The following LARS2 variants were observed in gnomAD, a reference collection of about 807,000 sequenced individuals.
The protein encoded by LARS2 is leucyl-tRNA synthetase 2, mitochondrial.
A neutral mutation model predicts 116.6 loss-of-function variants in LARS2; 81 were observed. The observed-to-expected ratio is 0.69, with a 90% CI of 0.58 to 0.84. The LOEUF (loss-of-function observed/expected upper bound fraction) is 0.84, where lower values mean the gene tolerates loss of function less well. Ranked by LOEUF, LARS2 falls within the 40% of genes least tolerant of loss-of-function variation. The pLI, the probability that LARS2 is intolerant of heterozygous loss-of-function variation, is 0.00. For missense variants in LARS2, 968 were observed against 1,114.5 expected, an observed-to-expected ratio of 0.87 and a Z score of 1.87; for synonymous variants, 396 against 407.2, an observed-to-expected ratio of 0.97 and a Z score of 0.33.
At chr3:45,439,467 C>T (rs1300612199) in intron 6 of LARS2, among the ~76,000 whole-genome samples, 2 of 152,136 alleles carry the variant, frequency 1.3e-5, no homozygotes, top group East Asian at 3.9e-4. Flanking sequence ...GATCCGCCCA[C>T]CTTGGCCTCC....
chr3:45,415,860 A>AAAAAT (rs1553627793), intron 4 of LARS2, among the ~76,000 whole-genome samples: 1 of 92,740 alleles, frequency 1.1e-5, no homozygotes, highest in African/African-American at 5.0e-5. Flanking sequence ...AAAAAAAAAA[A>AAAAAT]ATATATATAT....
intron 20 of LARS2, among the ~76,000 whole-genome samples, chr3:45,539,162 A>C (rs1450054810): frequency 4.6e-5 from 7 of 152,238 alleles, no homozygotes; most frequent in Admixed American, 2.6e-4. Flanking sequence ...CAGTAAACAC[A>C]AAAGAAATTA....
intron 6 of LARS2, among the ~76,000 whole-genome samples, chr3:45,430,347 C>T (rs1449499633): frequency 6.0e-5 from 9 of 149,624 alleles, no homozygotes; most frequent in Non-Finnish European, 1.2e-4. Context: ...GGCGTGATCA[C>T]GGCTCACTGC....
chr3:45,470,036 A>G (rs1035420933), intron 8 of LARS2, among the ~76,000 whole-genome samples: 1 of 152,176 alleles, frequency 6.6e-6, no homozygotes, highest in Admixed American at 6.5e-5. Flanking sequence ...GTTTTTGATT[A>G]TCCACCCTTC....
chr3:45,434,656 C>A (rs1002878318), intron 6 of LARS2, among the ~76,000 whole-genome samples: 2 of 152,074 alleles, frequency 1.3e-5, no homozygotes, highest in Non-Finnish European at 1.5e-5. Flanking sequence ...CTATTGAAAC[C>A]GAGATATTTG....
rs139993622 is a variant in LARS2 at position 45,413,102 on chromosome 3, C to T, written c.364-4380C>T. ...ATTGGCCCTTTGAGCCTGTGTGGTC[C>T]GTTCGGTTTGGGTAAGAACTTCCAA... On this transcript the variant is annotated intron_variant, in intron 4 of 21. Transcript: ENST00000645846. Among the ~76,000 whole-genome samples, 622 of 152,318 alleles carry T rather than the reference C, an allele frequency of 4.1e-3. 6 individuals carry two copies. Among genetic ancestry groups the T allele is most frequent in the African/African-American group, 0.014 (570 of 41,560 alleles).
chr3:45,407,902 A>C (rs1420602338), intron 4 of LARS2, among the ~76,000 whole-genome samples: 2 of 152,178 alleles, frequency 1.3e-5, no homozygotes, highest in East Asian at 3.8e-4. Flanking sequence ...ACTCAGTCTT[A>C]CTTCTTGTGT....
intron 15 of LARS2, among the ~76,000 whole-genome samples, chr3:45,512,065 G>A (rs779352555): frequency 2.6e-5 from 4 of 151,994 alleles, no homozygotes; most frequent in African/African-American, 7.3e-5. Flanking sequence ...GTGAGCCACC[G>A]CGCCTGGCCA....
At position 45,488,690 on chromosome 3, in the gene LARS2, T is replaced by C. The variant is rs1160873468; in HGVS notation, c.1124-7T>C. The stretch of plus-strand genomic sequence containing the variant: ...GGAAATGTTTTCTTTTCTTCTCCTC[T>C]GAATAGGAATTCCCAGTACTAGCTC... On this transcript the variant is annotated splice_polypyrimidine_tract_variant and splice_region_variant and intron_variant, in intron 11 of 21. Coordinates refer to ENST00000645846, the MANE Select transcript of LARS2 (RefSeq NM_015340.4). 2 of 1,559,548 alleles carry C rather than the reference T, an allele frequency of 1.3e-6. No individual in the cohort carries two copies. Among genetic ancestry groups the C allele is most frequent in the Non-Finnish European group, 1.8e-6 (2 of 1,130,224 alleles).
At chr3:45,405,896 G>A (rs1277295703) in intron 4 of LARS2, among the ~76,000 whole-genome samples, 1 of 152,086 alleles carries the variant, frequency 6.6e-6, no homozygotes, top group East Asian at 1.9e-4. Flanking sequence ...AATCCCCACT[G>A]GCTCTTAAAT....
intron 6 of LARS2, among the ~76,000 whole-genome samples, chr3:45,434,068 T>C (rs762390064): frequency 6.6e-6 from 1 of 152,184 alleles, no homozygotes; most frequent in Non-Finnish European, 1.5e-5. Context: ...GTAGATTTCT[T>C]TGGGTTTATC....
At chr3:45,394,290 CT>C in intron 2 of LARS2, 142 bp from the exon 3 acceptor site, 1 of 594,638 alleles carries the variant, frequency 1.7e-6, no homozygotes. Context: ...AATTGAATTG[CT>C]AAAGTATTCT....
intron 20 of LARS2, 195 bp from the exon 21 acceptor site, chr3:45,541,634 A>G (rs971287855): frequency 1.3e-5 from 8 of 602,730 alleles, no homozygotes; most frequent in Middle Eastern, 4.4e-4. Flanking sequence ...CATTTGTGAA[A>G]AACAAAAGCT....
In LARS2 at chr3:45,476,542, C is replaced by T. The variant is rs761528611; in HGVS notation, c.933C>T (p.His311=). Residue 311 remains histidine (H), a synonymous_variant, in exon 10 of 22, where the codon CAC becomes CAT. Transcript: ENST00000645846. ...CTGAAGCCATTTATGGCACCTCCCA[C>T]GTGGCCATCTCGCCCAGCCACAGAC... ...ATPEAIYGTS[H]VAISPSHRLL... is the part of the protein sequence containing the mutation. 1.6e-5 allele frequency: 26 copies of T among 1,614,208 alleles called. No homozygotes were observed. The highest frequency in any genetic ancestry group is 2.2e-5 in the South Asian group (2 of 91,088).
At chr3:45,537,936 T>C (rs1700732990) in intron 20 of LARS2, among the ~76,000 whole-genome samples, 1 of 152,214 alleles carries the variant, frequency 6.6e-6, no homozygotes, top group Admixed American at 6.5e-5. Context: ...CTGTGGGCCA[T>C]AGCCGACCTT....
intron 21 of LARS2, among the ~76,000 whole-genome samples, chr3:45,546,696 G>A (rs368937226): frequency 7.2e-5 from 11 of 152,290 alleles, no homozygotes; most frequent in Non-Finnish European, 5.9e-5. Flanking sequence ...ACTGAGCCAC[G>A]TGGTCACCTT....
chr3:45,547,896 T>G lies in LARS2; in HGVS notation c.*366T>G. 5.7e-6 allele frequency: 1 copy of G among 175,876 alleles called. No individual in the cohort carries two copies. The highest frequency in any genetic ancestry group is 1.2e-5 in the Non-Finnish European group (1 of 84,136). The allele number at this position is 175,876 out of a possible 1,614,324, so 10.9% of individuals were successfully genotyped here. A position where few individuals can be genotyped will look rare whatever the true frequency, so the allele number is the denominator to read the frequency against. ...CGAGCAGCCAGGAAGCCTGCGGATC[T>G]GGGAAATGGCTCTGCCTTAGGCACT... is the stretch of plus-strand genomic sequence containing the variant. On this transcript the variant is annotated 3_prime_UTR_variant, in exon 22 of 22. Transcript: ENST00000645846.
Position 45,417,710 on chromosome 3 carries a change from T to C in LARS2, c.455+137T>C, listed in dbSNP as rs190990855. 107 of 603,738 alleles carry C rather than the reference T, an allele frequency of 1.8e-4. No homozygotes were observed. In the African/African-American group the frequency reaches 1.8e-3, roughly 10 times the overall value. The allele number at this position is 603,738 out of a possible 1,614,324, so 37.4% of individuals were successfully genotyped here. ...AAGAGATAAATATGATTGTGTATAT[T>C]GGTGTTTGTCTTTTAACATATTGTA... On this transcript the variant is annotated intron_variant, in intron 5 of 21. Coordinates refer to ENST00000645846, the MANE Select transcript of LARS2 (RefSeq NM_015340.4).
At position 45,465,528 on chromosome 3, in the gene LARS2, G is replaced by A. The variant is rs1209354968; in HGVS notation, c.750+6642G>A. 2.0e-5 allele frequency among the ~76,000 whole-genome samples: 3 copies of A among 152,194 alleles called. 1 individual carries two copies. The East Asian group carries it at 5.8e-4, about 29-fold the overall frequency. On this transcript the variant is annotated intron_variant, in intron 8 of 21. Transcript: ENST00000645846. Reference sequence around the variant, plus strand: ...CTGGCTTTTCCCTGTCACTTCCCAGGCAAGCAAAAAGCTGCCTGAATAGAG... The same window carrying A: ...CTGGCTTTTCCCTGTCACTTCCCAGACAAGCAAAAAGCTGCCTGAATAGAG...
Sources: gnomAD v4.1 joint callset for allele counts (sites outside exome capture counted in the v4.1 genomes callset) on GRCh38, gnomAD v4.1.1 for gene constraint, MANE v1.5 for transcripts, NCBI Gene and HGNC (gene_info 2026-07-23, HGNC 2026-07-21) for gene names.